The following SH3BGRL2 variants were observed in gnomAD, a reference collection of about 807,000 sequenced individuals.
SH3BGRL2 encodes SH3 domain binding glutamate rich protein like 2.
Under a neutral mutation model 14.8 loss-of-function variants are expected in SH3BGRL2, and 21 were observed. That is an observed-to-expected ratio of 1.42 (90% CI 1.01 to 2.05). The LOEUF is 2.05. SH3BGRL2 is among the 30% of genes most tolerant of loss of function. The pLI, the probability that SH3BGRL2 is intolerant of heterozygous loss-of-function variation, is 0.00. For synonymous variants in SH3BGRL2, 50 were observed against 47.8 expected (o/e 1.05, Z -0.19); for missense variants, 147 against 130.8 (o/e 1.12, Z -0.61).
At chr6:79,580,335 A>G in the SH3BGRL2 span, among the ~76,000 whole-genome samples, 4 of 152,352 alleles carry the variant, frequency 2.6e-5, no homozygotes, top group Non-Finnish European at 2.9e-5. Flanking sequence ...TCAACAGAAT[A>G]TACATTCTTC....
At chr6:79,566,654 A>G in the SH3BGRL2 span, among the ~76,000 whole-genome samples, 64 of 152,282 alleles carry the variant, frequency 4.2e-4, 1 homozygote, top group African/African-American at 1.0e-3. Context: ...AATATCTAGA[A>G]CAGGGCCGGG....
chr6:79,598,016 A>T, the SH3BGRL2 span, among the ~76,000 whole-genome samples: 1 of 152,260 alleles, frequency 6.6e-6, no homozygotes, highest in African/African-American at 2.4e-5. Flanking sequence ...ACTCAACATC[A>T]CTAGCCACAA....
At chr6:79,579,806 C>A in the SH3BGRL2 span, among the ~76,000 whole-genome samples, 1 of 152,138 alleles carries the variant, frequency 6.6e-6, no homozygotes, top group Non-Finnish European at 1.5e-5. Flanking sequence ...ACAATATTAA[C>A]CTTAAATGTA....
intron 1 of SH3BGRL2, among the ~76,000 whole-genome samples, chr6:79,632,811 C>T (rs1768850977): frequency 6.6e-6 from 1 of 152,206 alleles, no homozygotes; most frequent in Admixed American, 6.5e-5. Context: ...ACTGAAGCCA[C>T]ACTTCATGTG....
chr6:79,610,541 A>T, the SH3BGRL2 span, among the ~76,000 whole-genome samples: 1 of 152,200 alleles, frequency 6.6e-6, no homozygotes, highest in Non-Finnish European at 1.5e-5. Context: ...TGTTATAGAA[A>T]CAGATGTTTC....
intron 1 of SH3BGRL2, among the ~76,000 whole-genome samples, chr6:79,645,361 A>G (rs1256861080): frequency 2.0e-5 from 3 of 152,114 alleles, no homozygotes; most frequent in Non-Finnish European, 4.4e-5. Flanking sequence ...AGACACAAAC[A>G]TAACCTGGAT....
the SH3BGRL2 span, among the ~76,000 whole-genome samples, chr6:79,609,780 T>C: frequency 6.6e-6 from 1 of 152,226 alleles, no homozygotes; most frequent in Non-Finnish European, 1.5e-5. Context: ...ACCTTTATTA[T>C]AAAGACAGTC....
At chr6:79,688,485 A>G (rs997527886) in intron 2 of SH3BGRL2, among the ~76,000 whole-genome samples, 2 of 152,188 alleles carry the variant, frequency 1.3e-5, no homozygotes, top group African/African-American at 4.8e-5. Context: ...AATATTTACT[A>G]ATCATATTCT....
chr6:79,589,917 G>A, the SH3BGRL2 span, among the ~76,000 whole-genome samples: 8 of 152,026 alleles, frequency 5.3e-5, no homozygotes, highest in East Asian at 1.9e-4. Context: ...GACTACAGGC[G>A]TGTACCACTA....
At chr6:79,558,133 G>A in the SH3BGRL2 span, among the ~76,000 whole-genome samples, 2 of 152,188 alleles carry the variant, frequency 1.3e-5, no homozygotes, top group Admixed American at 6.5e-5. Flanking sequence ...AGTGATATAT[G>A]TAAGGAAGGA....
the SH3BGRL2 span, among the ~76,000 whole-genome samples, chr6:79,565,628 T>G: frequency 6.6e-6 from 1 of 152,090 alleles, no homozygotes; most frequent in East Asian, 1.9e-4. Context: ...TTTCTGAGCA[T>G]TGCATTAGCT....
chr6:79,572,283 C>T, the SH3BGRL2 span, among the ~76,000 whole-genome samples: 2 of 152,058 alleles, frequency 1.3e-5, no homozygotes, highest in African/African-American at 4.8e-5. Context: ...ATGATATCTT[C>T]GTGCACGTAA....
the SH3BGRL2 span, among the ~76,000 whole-genome samples, chr6:79,613,564 C>T: frequency 3.9e-5 from 6 of 152,074 alleles, no homozygotes; most frequent in African/African-American, 1.4e-4. Context: ...CTTTGGAAAC[C>T]CTACCTGTCA....
chr6:79,545,028 C>T, the SH3BGRL2 span, among the ~76,000 whole-genome samples: 1 of 152,212 alleles, frequency 6.6e-6, no homozygotes, highest in Non-Finnish European at 1.5e-5. Flanking sequence ...CGGTCTCCCT[C>T]TAGTTCTATT....
At chr6:79,634,125 A>T (rs562537677) in intron 1 of SH3BGRL2, among the ~76,000 whole-genome samples, 1 of 152,376 alleles carries the variant, frequency 6.6e-6, no homozygotes, top group East Asian at 1.9e-4. Flanking sequence ...CAGAATTTCC[A>T]AAAAGATGCT....
chr6:79,549,184 C>G, the SH3BGRL2 span, among the ~76,000 whole-genome samples: 1 of 152,146 alleles, frequency 6.6e-6, no homozygotes, highest in Admixed American at 6.5e-5. Context: ...ATGAAGACAG[C>G]AGTTCACCAA....
chr6:79,615,244 G>A, the SH3BGRL2 span, among the ~76,000 whole-genome samples: 626 of 152,268 alleles, frequency 4.1e-3, 2 homozygotes, highest in Non-Finnish European at 4.8e-3. Context: ...GAGTGGGAGG[G>A]CTCAAAAGGA....
the SH3BGRL2 span, among the ~76,000 whole-genome samples, chr6:79,551,848 G>C: frequency 6.6e-6 from 1 of 152,168 alleles, no homozygotes; most frequent in Non-Finnish European, 1.5e-5. Context: ...CCAGCACTTT[G>C]GGAGGCCAAG....
intron 1 of SH3BGRL2, among the ~76,000 whole-genome samples, chr6:79,663,938 G>C (rs1446425484): frequency 3.3e-5 from 5 of 152,338 alleles, no homozygotes; most frequent in Admixed American, 2.6e-4. Flanking sequence ...TGGGCTAGCA[G>C]GGAGCAAGAC....
Sources: gnomAD v4.1 joint callset for allele counts (sites outside exome capture counted in the v4.1 genomes callset) on GRCh38, gnomAD v4.1.1 for gene constraint, MANE v1.5 for transcripts, NCBI Gene and HGNC (gene_info 2026-07-23, HGNC 2026-07-21) for gene names.